Variants in DNAH1 observed in about 807,000 individuals in gnomAD.
The protein encoded by DNAH1 is axonemal beta dynein heavy chain 1.
Under a neutral mutation model 484.3 loss-of-function variants are expected in DNAH1, and 327 were observed. The ratio of observed to expected loss-of-function variants is 0.68; its 90% CI spans 0.62 to 0.74. DNAH1 has a LOEUF of 0.74. Among genes scored for constraint, DNAH1 ranks in the 30% least tolerant of loss-of-function variants. DNAH1 has a pLI of 0.00. For missense variants in DNAH1, 5,052 were observed against 5,546.8 expected, an observed-to-expected ratio of 0.91 and a Z score of 2.83; for synonymous variants, 2,192 against 2,191.9, an observed-to-expected ratio of 1.00 and a Z score of 0.00.
intron 8 of DNAH1, among the ~76,000 whole-genome samples, chr3:52,336,960 T>A (rs1559499856): frequency 6.6e-6 from 1 of 152,220 alleles, no homozygotes; most frequent in Non-Finnish European, 1.5e-5. Context: ...TTCCTAGTTC[T>A]GTGAAAAATG....
chr3:52,358,741 A>G lies in DNAH1; in HGVS notation c.4266+4A>G. 1.2e-6 allele frequency: 2 copies of G among 1,611,764 alleles called. No individual in the cohort carries two copies. ...GGCCATCAGGGCCTACCCCACGGTG[A>G]GCCGCCCGCAGCCCGTGCAGCCTTC... On this transcript the variant is annotated splice_donor_region_variant and intron_variant, in intron 25 of 77. Transcript: ENST00000420323. The surrounding 1 kb of genome is among the most constrained non-coding windows in gnomAD (Gnocchi z 4.2).
intron 46 of DNAH1, 51 bp from the exon 47 acceptor site, chr3:52,378,551 G>A (rs972377990): frequency 1.8e-5 from 28 of 1,588,126 alleles, no homozygotes; most frequent in African/African-American, 6.7e-5. Context: ...CTGCAGAGGC[G>A]GCAGAGGGAG....
rs192221185 is a variant in DNAH1 at position 52,372,245 on chromosome 3, A to G, written c.6685A>G (p.Thr2229Ala). The G allele has an allele frequency of 3.7e-6, 6 of 1,613,920 alleles. No homozygotes were observed. The highest frequency in any genetic ancestry group is 1.7e-5 in the Admixed American group (1 of 60,014). Residue 2229 changes from threonine (T) to alanine (A), a missense_variant, in exon 43 of 78, where the codon ACA (threonine) becomes GCA (alanine). This residue lies in a region of DNAH1 where 2,929 missense variants were observed against 3,409.4 expected (regional missense o/e 0.86). Transcript: ENST00000420323. Reference protein sequence around the residue: ...NKKPVLCIGPTGTGKTLTISD... With the variant: ...NKKPVLCIGPAGTGKTLTISD... ...CTGCCAGGTGCTGTGCATTGGGCCA[A>G]CAGGCACGGGGAAGACGCTCACCAT...
Position 52,379,010 on chromosome 3 carries a change from C to G in DNAH1, c.7377+230C>G, listed in dbSNP as rs2153225046. Among the ~76,000 whole-genome samples the G allele has an allele frequency of 6.6e-6, 1 of 152,290 alleles. No individual in the cohort carries two copies. On this transcript the variant is annotated intron_variant, in intron 47 of 77. Transcript: ENST00000420323. The surrounding 1 kb of genome is among the most constrained non-coding windows in gnomAD (Gnocchi z 4.4). ...CGGGGATCACATGAGAGAGCCAGGG[C>G]AAGACGAGGGAGAAAGAGGGCTTCT... is the stretch of plus-strand genomic sequence containing the variant.
chr3:52,316,179 C>T (rs1700942905), upstream of DNAH1: 1 of 152,318 alleles, frequency 6.6e-6, no homozygotes, highest in African/African-American at 2.4e-5. Context: ...TAGCATTCTG[C>T]CCCTCTCATC....
In DNAH1 at chr3:52,352,026, G is replaced by A. The variant is rs1288990685; in HGVS notation, c.2794G>A (p.Val932Met). Residue 932 changes from valine to methionine, a missense_variant, in exon 17 of 78, where the codon GTG becomes ATG. Val to Met is a conservative substitution (Grantham distance 21, BLOSUM62 1). Around this residue, in one of 4 missense-constraint regions of DNAH1, gnomAD observed 1,263 missense variants for 1,218.8 expected, o/e 1.04. Transcript: ENST00000420323. ...GQIELVQQQH[V>M]EDEEKFRKIQ... ...GATAGAGCTGGTGCAGCAGCAGCAT[G>A]TGGAGGATGAGGAGAAGTTCCGCAA... The A allele has an allele frequency of 1.9e-6, 3 of 1,598,250 alleles. No individual in the cohort carries two copies. In the East Asian group the frequency reaches 6.8e-5, roughly 36 times the overall value.
rs543832201 is a variant in DNAH1, at chr3:52,379,814, A to T, written c.7378-91A>T. On this transcript the variant is annotated intron_variant, in intron 47 of 77. Transcript: ENST00000420323. This position sits in a 1 kb window ranked among gnomAD's most constrained non-coding sequence, Gnocchi z 4.4. ...GCCAGGCTCCAGTCAGGGCCCCAGG[A>T]ACTGGGGCCCACCCTCCCTTGCCTG... The T allele has an allele frequency of 4.9e-5, 56 of 1,151,372 alleles. No homozygotes were observed. The African/African-American group carries it at 6.7e-4, about 14-fold the overall frequency. 71.3% of individuals were successfully genotyped at this position (1,151,372 alleles called of 1,614,324 possible).
chr3:52,388,517 A>G lies in DNAH1; in HGVS notation c.9271A>G (p.Met3091Val), dbSNP rs762714992. The change falls in exon 58 of 78, where the codon ATG becomes GTG. Residue 3091 changes from methionine (M) to valine (V), a missense_variant. Physicochemically the swap from Met to Val is conservative, Grantham distance 21 (BLOSUM62 1). Transcript: ENST00000420323. Reference sequence around the variant, plus strand: ...TGAGGTGGAGGACGGCATCGCCACAATGCAGGCTAAGTACCGGGAATGCAT... The same window carrying G: ...TGAGGTGGAGGACGGCATCGCCACAGTGCAGGCTAAGTACCGGGAATGCAT... ...LREVEDGIAT[M>V]QAKYRECITK... 1.9e-5 allele frequency: 30 copies of G among 1,612,852 alleles called. No homozygotes were observed. In the East Asian group the frequency reaches 2.2e-4, roughly 12 times the overall value.
chr3:52,361,465 C>A lies in DNAH1; in HGVS notation c.4874+113C>A. The A allele has an allele frequency of 7.4e-7, 1 of 1,346,326 alleles. No individual in the cohort carries two copies. Among genetic ancestry groups the A allele is most frequent in the Non-Finnish European group, 1.0e-6 (1 of 995,144 alleles). The allele number at this position is 1,346,326 out of a possible 1,614,324, so 83.4% of individuals were successfully genotyped here. On this transcript the variant is annotated intron_variant, in intron 29 of 77. Transcript: ENST00000420323. This position sits in a 1 kb window ranked among gnomAD's most constrained non-coding sequence, Gnocchi z 5.6. ...GGGCCTCGAAGGATGGTGGAGGGGA[C>A]AGAAGGGGGTAATAGGCATCACGGC...
intron 1 of DNAH1, among the ~76,000 whole-genome samples, chr3:52,319,436 T>G (rs144616432): frequency 6.6e-6 from 1 of 152,218 alleles, no homozygotes; most frequent in Non-Finnish European, 1.5e-5. Context: ...CTCTGAGAAA[T>G]GAGGATACTC....
At chr3:52,378,321 G>C (rs1037593730) in intron 46 of DNAH1, among the ~76,000 whole-genome samples, 3 of 151,732 alleles carry the variant, frequency 2.0e-5, no homozygotes, top group Non-Finnish European at 4.4e-5. Flanking sequence ...GCCCCGCCCA[G>C]CACTGACCCC....
intron 2 of DNAH1, among the ~76,000 whole-genome samples, 166 bp downstream of exon 2, chr3:52,322,941 A>G (rs1701202666): frequency 6.6e-6 from 1 of 151,976 alleles, no homozygotes. Context: ...CCCCTCATCC[A>G]TCCTTCCATC....
rs776701745 is a variant in DNAH1 at position 52,331,300 on chromosome 3, A to C, written c.1024A>C (p.Thr342Pro). 2 of 1,605,988 alleles carry C rather than the reference A, an allele frequency of 1.2e-6. No homozygotes were observed. The highest frequency in any genetic ancestry group is 2.2e-5 in the South Asian group (2 of 89,132). Residue 342 changes from threonine (T) to proline (P), a missense_variant, in exon 7 of 78, where the codon ACC (threonine) becomes CCC (proline). This residue lies in a region of DNAH1 where 1,263 missense variants were observed against 1,218.8 expected (regional missense o/e 1.04). Transcript: ENST00000420323. ...GAGGCCCATCCTGAATGCAGGGGTC[A>C]CCACTGAAGGTATGAGGTCCTGCCG... ...MGRPILNAGV[T>P]TEGRPPLQVC...
intron 8 of DNAH1, 75 bp from the exon 9 acceptor site, chr3:52,344,415 G>A: frequency 6.4e-7 from 1 of 1,556,946 alleles, no homozygotes; most frequent in South Asian, 1.2e-5. Context: ...CCATGCCAGA[G>A]CAGAGCTTGG....
chr3:52,326,463 T>G, intron 4 of DNAH1, 149 bp downstream of exon 4: 1 of 1,116,196 alleles, frequency 9.0e-7, no homozygotes, highest in Non-Finnish European at 1.2e-6. Flanking sequence ...CTTTGGTGTC[T>G]TAATAGGAAC....
intron 63 of DNAH1, 73 bp downstream of exon 63, chr3:52,391,676 C>G: frequency 6.4e-7 from 1 of 1,569,526 alleles, no homozygotes; most frequent in Non-Finnish European, 8.7e-7. Flanking sequence ...TCTCCCACCC[C>G]CAGGCCGGGA....
rs1704559283 is a variant in DNAH1, at chr3:52,395,055, C to T, written c.10964C>T (p.Pro3655Leu). ...AACCTGGAGCCACGCTTCATTGAAC[C>T]CCAGGCAAGTGCTGGAACCCTGGCA... The part of the protein sequence containing the change: ...ATNLEPRFIE[P>L]QTANLSVVFK... The change falls in exon 68 of 78, where the codon CCC becomes CTC. Residue 3655 changes from proline to leucine, a missense_variant. Pro to Leu is a moderately conservative substitution (Grantham distance 98). Around this residue, in one of 4 missense-constraint regions of DNAH1, gnomAD observed 853 missense variants for 899.0 expected, o/e 0.95. Coordinates refer to ENST00000420323, the MANE Select transcript of DNAH1 (RefSeq NM_015512.5). This position sits in a 1 kb window ranked among gnomAD's most constrained non-coding sequence, Gnocchi z 4.4. 1 of 1,607,938 alleles carries T rather than the reference C, an allele frequency of 6.2e-7. No individual in the cohort carries two copies. Among genetic ancestry groups the T allele is most frequent in the Non-Finnish European group, 8.5e-7 (1 of 1,177,196 alleles).
In DNAH1 at chr3:52,361,133, G is replaced by A. The variant is rs771935408; in HGVS notation, c.4686-31G>A. ...AAGGGGGAGTGTCCAGGCCATGTGCGGCCCGAGCCCACCTCCTCTGTCTCC... is the reference window on the plus strand; with the variant it reads ...AAGGGGGAGTGTCCAGGCCATGTGCAGCCCGAGCCCACCTCCTCTGTCTCC... On this transcript the variant is annotated intron_variant, in intron 28 of 77. Coordinates refer to ENST00000420323, the MANE Select transcript of DNAH1 (RefSeq NM_015512.5). The surrounding 1 kb of genome is among the most constrained non-coding windows in gnomAD (Gnocchi z 5.6). The A allele has an allele frequency of 4.9e-5, 74 of 1,503,176 alleles. No homozygotes were observed. Among genetic ancestry groups the A allele is most frequent in the South Asian group, 3.0e-4 (22 of 72,560 alleles). The allele number at this position is 1,503,176 out of a possible 1,614,324, so 93.1% of individuals were successfully genotyped here. A position where few individuals can be genotyped will look rare whatever the true frequency, so the allele number is the denominator to read the frequency against.
At position 52,372,482 on chromosome 3, in the gene DNAH1, T is replaced by A. The variant is rs1703389245; in HGVS notation, c.6827+95T>A. On this transcript the variant is annotated intron_variant, in intron 43 of 77. Coordinates refer to ENST00000420323, the MANE Select transcript of DNAH1 (RefSeq NM_015512.5). ...CTCTCCACCAAATTATGCTCCTGGG[T>A]TTGCCAGGAACCTCCCAGGGGGAGC... The A allele has an allele frequency of 2.0e-6, 3 of 1,520,318 alleles. No individual in the cohort carries two copies. The South Asian group carries it at 3.7e-5, about 19-fold the overall frequency. The allele number at this position is 1,520,318 out of a possible 1,614,324, so 94.2% of individuals were successfully genotyped here.
Sources: gnomAD v4.1 joint callset for allele counts (sites outside exome capture counted in the v4.1 genomes callset) on GRCh38, gnomAD v4.1.1 for gene constraint, gnomAD v4.1.1 regional missense constraint, Gnocchi (gnomAD v3.1) non-coding constraint, MANE v1.5 for transcripts, NCBI Gene and HGNC (gene_info 2026-07-23, HGNC 2026-07-21) for gene names.